Variants in EXOC2 observed in about 807,000 individuals in gnomAD.
The protein encoded by EXOC2 is exocyst complex component 2.
A neutral mutation model predicts 131.8 loss-of-function variants in EXOC2; 70 were observed. The ratio of observed to expected loss-of-function variants is 0.53; its 90% CI spans 0.44 to 0.65. The LOEUF is 0.65. Among genes scored for constraint, EXOC2 ranks in the 30% least tolerant of loss-of-function variants. The probability of loss-of-function intolerance (pLI) is 0.00; values close to 1 mark genes in which losing one functional copy is unlikely to be tolerated. For missense variants in EXOC2, 923 were observed against 1,108.6 expected (o/e 0.83, Z 2.38); for synonymous variants, 411 against 398.4 (o/e 1.03, Z -0.38).
chr6:549,773 AT>A (rs1757049484), intron 21 of EXOC2, among the ~76,000 whole-genome samples: 1 of 152,254 alleles, frequency 6.6e-6, no homozygotes, highest in Admixed American at 6.5e-5. Flanking sequence ...ATATATCTGT[AT>A]GATGGGCTCC....
chr6:494,878 A>G (rs1360921322), intron 25 of EXOC2, among the ~76,000 whole-genome samples: 1 of 152,088 alleles, frequency 6.6e-6, no homozygotes, highest in African/African-American at 2.4e-5. Flanking sequence ...AAAATTGACT[A>G]CGAACATTCT....
At chr6:570,514 C>T (rs1025663728) in intron 13 of EXOC2, among the ~76,000 whole-genome samples, 1 of 152,210 alleles carries the variant, frequency 6.6e-6, no homozygotes, top group Non-Finnish European at 1.5e-5. Flanking sequence ...CATCAGTCTA[C>T]TATTTTCTAA....
At chr6:555,082 G>A (rs1246974585) in intron 20 of EXOC2, 145 bp downstream of exon 20, 12 of 429,804 alleles carry the variant, frequency 2.8e-5, no homozygotes, top group Non-Finnish European at 4.1e-5. Context: ...AATATAGGTC[G>A]AATATAAAAA....
At chr6:610,719 T>C (rs1413778927) in intron 6 of EXOC2, among the ~76,000 whole-genome samples, 2 of 152,194 alleles carry the variant, frequency 1.3e-5, no homozygotes, top group African/African-American at 4.8e-5. Flanking sequence ...GTAAATTCGG[T>C]TCTCAAATGC....
rs1307384904 is a variant in EXOC2, at chr6:494,639, C to T, written c.2559+2728G>A. On this transcript the variant is annotated intron_variant, in intron 25 of 27. Coordinates refer to ENST00000230449, the MANE Select transcript of EXOC2 (RefSeq NM_018303.6). ...CACAGGAAGCCACTGTTCTGAGTTT[C>T]TCATCACAGTTAGTTTTATTTGTTC... Among the ~76,000 whole-genome samples, 4 of 152,260 alleles carry T rather than the reference C, an allele frequency of 2.6e-5. No homozygotes were observed. The East Asian group carries it at 7.7e-4, about 29-fold the overall frequency.
chr6:548,452 A>G (rs1756974437), intron 22 of EXOC2, among the ~76,000 whole-genome samples: 1 of 152,246 alleles, frequency 6.6e-6, no homozygotes, highest in South Asian at 2.1e-4. Context: ...CCCAGGAACC[A>G]ATCAACCTTA....
chr6:555,422 T>C (rs1049456172), intron 19 of EXOC2, 134 bp from the exon 20 acceptor site: 14 of 495,212 alleles, frequency 2.8e-5, no homozygotes, highest in Non-Finnish European at 4.7e-5. Context: ...TGTGCATGTA[T>C]GAATATGTGT....
chr6:635,828 C>T lies in EXOC2; in HGVS notation c.118+1873G>A, dbSNP rs538504044. 3.3e-5 allele frequency among the ~76,000 whole-genome samples: 5 copies of T among 152,348 alleles called. No homozygotes were observed. In the South Asian group the frequency reaches 8.3e-4, roughly 25 times the overall value. On this transcript the variant is annotated intron_variant, in intron 2 of 27. Transcript: ENST00000230449. ...CTGTAATGCCAGCACTTTGGGAGAC[C>T]GAGGCAGGCGGATCACGAGGTCAAG...
At chr6:565,057 T>G in intron 13 of EXOC2, 128 bp from the exon 14 acceptor site, 1 of 638,038 alleles carries the variant, frequency 1.6e-6, no homozygotes, top group Non-Finnish European at 2.4e-6. Context: ...GCTTAAGACA[T>G]AATCTATGTT....
At position 651,396 on chromosome 6, in the gene EXOC2, G is replaced by A. The variant is rs575598991; in HGVS notation, c.-43-13535C>T. Among the ~76,000 whole-genome samples the A allele has an allele frequency of 3.0e-4, 46 of 152,130 alleles. 1 individual carries two copies. The South Asian group carries it at 9.3e-3, about 31-fold the overall frequency. ...AGGCCAGGTGTAGTGGCTGATGCTT[G>A]TAATCCCAACACTTTGGGAGGCTGA... On this transcript the variant is annotated intron_variant, in intron 1 of 27. Transcript: ENST00000230449.
chr6:595,909 G>T (rs541256740), intron 10 of EXOC2, among the ~76,000 whole-genome samples: 1 of 152,162 alleles, frequency 6.6e-6, no homozygotes, highest in African/African-American at 2.4e-5. Context: ...TACATTTCTA[G>T]GATTCTACAA....
chr6:524,660 C>A (rs1765647951), intron 23 of EXOC2, among the ~76,000 whole-genome samples: 1 of 151,998 alleles, frequency 6.6e-6, no homozygotes, highest in Admixed American at 6.5e-5. Context: ...TTATTTATTC[C>A]TTAAATGTTA....
At chr6:500,042 A>G (rs1285859558) in intron 23 of EXOC2, among the ~76,000 whole-genome samples, 3 of 152,150 alleles carry the variant, frequency 2.0e-5, no homozygotes, top group African/African-American at 7.2e-5. Flanking sequence ...AAGTATCTAT[A>G]TATACTGTAA....
chr6:634,926 C>A (rs1461618852), intron 2 of EXOC2, among the ~76,000 whole-genome samples: 2 of 152,138 alleles, frequency 1.3e-5, no homozygotes, highest in Non-Finnish European at 2.9e-5. Context: ...TGTCAATGTT[C>A]ACTTGCTCAA....
chr6:633,237 A>G, intron 2 of EXOC2, 120 bp from the exon 3 acceptor site: 1 of 1,064,334 alleles, frequency 9.4e-7, no homozygotes, highest in Admixed American at 2.8e-5. Flanking sequence ...AATATACCCA[A>G]TATTATTTGC....
At chr6:497,844 T>G (rs1282121349) in intron 24 of EXOC2, among the ~76,000 whole-genome samples, 1 of 152,200 alleles carries the variant, frequency 6.6e-6, no homozygotes, top group African/African-American at 2.4e-5. Context: ...ACTGGGTCAA[T>G]ATTTTACCAC....
intron 21 of EXOC2, among the ~76,000 whole-genome samples, chr6:550,091 C>G (rs540367837): frequency 1.2e-4 from 19 of 152,338 alleles, no homozygotes; most frequent in African/African-American, 4.3e-4. Context: ...TGCGGTTCAC[C>G]GAGGCACCCA....
intron 1 of EXOC2, among the ~76,000 whole-genome samples, chr6:662,082 G>T (rs960597681): frequency 2.6e-5 from 4 of 152,122 alleles, no homozygotes; most frequent in Admixed American, 2.0e-4. Flanking sequence ...ATGGTAAAAG[G>T]CCTTATTCAA....
intron 13 of EXOC2, among the ~76,000 whole-genome samples, chr6:568,573 T>C (rs1758102340): frequency 6.6e-6 from 1 of 152,174 alleles, no homozygotes; most frequent in Non-Finnish European, 1.5e-5. Context: ...ATACACATCC[T>C]ATTGGTTCTA....
Sources: gnomAD v4.1 joint callset for allele counts (sites outside exome capture counted in the v4.1 genomes callset) on GRCh38, gnomAD v4.1.1 for gene constraint, MANE v1.5 for transcripts, NCBI Gene and HGNC (gene_info 2026-07-23, HGNC 2026-07-21) for gene names.